ESR2: variants seen among roughly 807,000 people sequenced by gnomAD.
ESR2 encodes the protein estrogen receptor 2, also known as estrogen receptor beta.
Under a neutral mutation model 49.6 loss-of-function variants are expected in ESR2, and 36 were observed. The ratio of observed to expected loss-of-function variants is 0.73; its 90% CI spans 0.56 to 0.96. The LOEUF (loss-of-function observed/expected upper bound fraction) is 0.96, where lower values mean the gene tolerates loss of function less well. ESR2 is among the 40% of genes least tolerant of loss of function. The pLI is 0.00. For missense variants in ESR2, 714 were observed against 693.0 expected, an observed-to-expected ratio of 1.03 and a Z score of -0.34; for synonymous variants, 320 against 266.1, an observed-to-expected ratio of 1.20 and a Z score of -1.97.
intron 4 of ESR2, among the ~76,000 whole-genome samples, chr14:64,268,302 A>G (rs1430630286): frequency 3.9e-5 from 6 of 152,180 alleles, no homozygotes; most frequent in Non-Finnish European, 5.9e-5. Flanking sequence ...TGACTCCTAC[A>G]TATTTTTCTA....
downstream of ESR2, chr14:64,227,994 G>A (rs940453684): frequency 4.5e-6 from 7 of 1,555,214 alleles, no homozygotes; most frequent in African/African-American, 9.5e-5. Context: ...AATAATCGAT[G>A]CACTGGATAC....
At chr14:64,289,116 A>G (rs1333102171) in intron 1 of ESR2, among the ~76,000 whole-genome samples, 1 of 152,006 alleles carries the variant, frequency 6.6e-6, no homozygotes, top group Non-Finnish European at 1.5e-5. Flanking sequence ...AGACAAATCC[A>G]CAAACTCCCT....
chr14:64,274,115 T>TA (rs1336041754), intron 3 of ESR2, among the ~76,000 whole-genome samples: 1 of 146,318 alleles, frequency 6.8e-6, no homozygotes, highest in Non-Finnish European at 1.5e-5. Context: ...AATTTGTAAT[T>TA]TTTTTTTTTT....
intron 7 of ESR2, among the ~76,000 whole-genome samples, chr14:64,238,403 C>G (rs1373891878): frequency 3.9e-5 from 6 of 152,158 alleles, no homozygotes; most frequent in Non-Finnish European, 8.8e-5. Flanking sequence ...TAAAATTATC[C>G]TGGAGACTCC....
chr14:64,302,160 T>TTTTTATTTTTA (rs1555593263), intron 1 of ESR2, among the ~76,000 whole-genome samples: 1 of 138,164 alleles, frequency 7.2e-6, no homozygotes, highest in African/African-American at 2.7e-5. Context: ...TATTTTTTAT[T>TTTTTATTTTTA]TTTATTTATT....
chr14:64,245,509 C>CAAAA (rs56160081), intron 7 of ESR2, among the ~76,000 whole-genome samples: 19 of 65,458 alleles, frequency 2.9e-4, no homozygotes, highest in African/African-American at 1.0e-3. Flanking sequence ...AAGACTCTGT[C>CAAAA]AAAAAAAAAA....
At chr14:64,240,332 C>G (rs1205498106) in intron 7 of ESR2, among the ~76,000 whole-genome samples, 1 of 152,254 alleles carries the variant, frequency 6.6e-6, no homozygotes, top group Non-Finnish European at 1.5e-5. Flanking sequence ...CTTGGAAACT[C>G]TGCTATCCTA....
chr14:64,284,020 A>G (rs2076740923), intron 1 of ESR2, among the ~76,000 whole-genome samples: 3 of 151,562 alleles, frequency 2.0e-5, no homozygotes, highest in Admixed American at 6.6e-5. Flanking sequence ...CCTGCCTCCC[A>G]GGTTCTAGTG....
intron 1 of ESR2, among the ~76,000 whole-genome samples, chr14:64,307,557 C>G (rs1246025746): frequency 6.6e-6 from 1 of 151,456 alleles, no homozygotes; most frequent in Non-Finnish European, 1.5e-5. Flanking sequence ...ATTTTTGAGA[C>G]AGAGTCTCAT....
At chr14:64,319,577 C>T (rs1214737507) in intron 1 of ESR2, among the ~76,000 whole-genome samples, 1 of 152,086 alleles carries the variant, frequency 6.6e-6, no homozygotes, top group Admixed American at 6.6e-5. Flanking sequence ...TAAAATTCAA[C>T]AACTAGAAAA....
At chr14:64,266,942 G>A (rs1029017880) in intron 4 of ESR2, among the ~76,000 whole-genome samples, 7 of 152,124 alleles carry the variant, frequency 4.6e-5, no homozygotes, top group Non-Finnish European at 7.4e-5. Context: ...GTGTAGTGGC[G>A]CGATCTCGGC....
rs990784537 is a variant in ESR2, at chr14:64,294,212, CG to C, written c.-271del. 1.3e-5 allele frequency: 2 copies of C among 151,894 alleles called. No homozygotes were observed. Among genetic ancestry groups the C allele is most frequent in the Admixed American group, 6.6e-5 (1 of 15,260 alleles). 9.4% of individuals were successfully genotyped at this position (151,894 alleles called of 1,614,324 possible). A position where few individuals can be genotyped will look rare whatever the true frequency, so the allele number is the denominator to read the frequency against. On this transcript the variant is annotated 5_prime_UTR_variant, in exon 1 of 9. Coordinates refer to ENST00000341099, the MANE Select transcript of ESR2 (RefSeq NM_001437.3). ...CGCAGCCCCAGAGCCCGTCGCAGCT[CG>C]GGTGGTCCCTCCCCGGCCCAGCGCT... is the stretch of plus-strand genomic sequence containing the variant.
At chr14:64,296,043 CAAAAA>C (rs34335763), upstream of ESR2, among the ~76,000 whole-genome samples, 59 of 89,212 alleles carry the variant, frequency 6.6e-4, no homozygotes, top group Admixed American at 1.2e-3. Flanking sequence ...GACTCTGTCT[CAAAAA>C]AAAAAAAAAA....
At chr14:64,273,500 G>A (rs1479642225) in intron 3 of ESR2, among the ~76,000 whole-genome samples, 2 of 152,036 alleles carry the variant, frequency 1.3e-5, no homozygotes, top group African/African-American at 4.8e-5. Flanking sequence ...AGTTTTTTAA[G>A]GGTTTTTATC....
intron 1 of ESR2, among the ~76,000 whole-genome samples, chr14:64,284,689 T>A (rs979332235): frequency 4.6e-5 from 7 of 152,106 alleles, no homozygotes; most frequent in Admixed American, 3.9e-4. Flanking sequence ...AACCACTCAT[T>A]TCCTATTTGT....
At chr14:64,268,771 A>G in intron 4 of ESR2, 24 bp downstream of exon 4, 2 of 1,397,322 alleles carry the variant, frequency 1.4e-6, no homozygotes, top group Non-Finnish European at 2.0e-6. Flanking sequence ...CCCATATTCA[A>G]TAAGAAGGGA....
In ESR2 at chr14:64,257,342, G is replaced by T. The variant is rs58256696; in HGVS notation, c.975C>A (p.Phe325Leu). Residue 325 changes from phenylalanine (F) to leucine (L), a missense_variant, in exon 6 of 9, where the codon TTC becomes TTA. Coordinates refer to ENST00000341099, the MANE Select transcript of ESR2 (RefSeq NM_001437.3). ...AGCTCTCCAAGAGCCGCACTTGGTCGAACAGGCTGAGCTCCACAAAGCCTG... is the reference window on the plus strand; with the variant it reads ...AGCTCTCCAAGAGCCGCACTTGGTCTAACAGGCTGAGCTCCACAAAGCCTG... ...KIPGFVELSL[F>L]DQVRLLESCW... The T allele has an allele frequency of 1.2e-6, 2 of 1,613,090 alleles. No homozygotes were observed. Among genetic ancestry groups the T allele is most frequent in the Admixed American group, 1.7e-5 (1 of 60,024 alleles).
chr14:64,282,778 C>G lies in ESR2; in HGVS notation c.208G>C (p.Gly70Arg). Residue 70 changes from glycine (G) to arginine (R), a missense_variant, in exon 2 of 9, where the codon GGT becomes CGT. Coordinates refer to ENST00000341099, the MANE Select transcript of ESR2 (RefSeq NM_001437.3). ...ACATTTGGGCTTGTGGTCTGCCGAC[C>G]AGGCCCACCTTCCAAGTTAGTGACA... ...SNVTNLEGGP[G>R]RQTTSPNVLW... The G allele has an allele frequency of 2.5e-6, 4 of 1,614,236 alleles. No individual in the cohort carries two copies. The highest frequency in any genetic ancestry group is 3.4e-6 in the Non-Finnish European group (4 of 1,180,040).
At chr14:64,295,302 G>A (rs1287504878), upstream of ESR2, among the ~76,000 whole-genome samples, 1 of 152,176 alleles carries the variant, frequency 6.6e-6, no homozygotes, top group Non-Finnish European at 1.5e-5. Flanking sequence ...TCTAATAGAG[G>A]AAGACGAGGG....
Sources: allele counts gnomAD v4.1 joint callset (sites outside exome capture counted in the v4.1 genomes callset), GRCh38; gene constraint gnomAD v4.1.1; transcripts MANE v1.5; gene names NCBI Gene and HGNC (gene_info 2026-07-23, HGNC 2026-07-21).